MSTO1: variants seen among roughly 807,000 people sequenced by gnomAD.
MSTO1 encodes the protein misato mitochondrial distribution and morphology regulator 1.
In MSTO1, 24 loss-of-function variants were observed where a neutral mutation model predicts 55.7. The observed-to-expected ratio is 0.43, with a 90% CI of 0.31 to 0.61. MSTO1 has a LOEUF of 0.61. Among genes scored for constraint, MSTO1 ranks in the 20% least tolerant of loss-of-function variants. The pLI is 0.09. For synonymous variants in MSTO1, 162 were observed against 252.8 expected (o/e 0.64, Z 3.41); for missense variants, 363 against 625.7 (o/e 0.58, Z 4.48).
upstream of MSTO1, among the ~76,000 whole-genome samples, chr1:155,606,464 G>A (rs978550014): frequency 6.1e-5 from 9 of 147,744 alleles, no homozygotes; most frequent in Admixed American, 2.0e-4. Flanking sequence ...ACATGATCTT[G>A]GCTCACTGCA....
chr1:155,575,363 T>C, the MSTO1 span, among the ~76,000 whole-genome samples: 1 of 152,182 alleles, frequency 6.6e-6, no homozygotes, highest in African/African-American at 2.4e-5. Context: ...TGACTAATAA[T>C]GTTGAGCATT....
chr1:155,578,859 C>G, the MSTO1 span, among the ~76,000 whole-genome samples: 1 of 134,876 alleles, frequency 7.4e-6, no homozygotes, highest in Non-Finnish European at 1.6e-5. Flanking sequence ...GACGAGGTTT[C>G]GCCATATTGG....
chr1:155,600,975 CTTTTTT>C, the MSTO1 span, among the ~76,000 whole-genome samples: 9 of 119,138 alleles, frequency 7.6e-5, no homozygotes, highest in South Asian at 1.9e-3. Context: ...TGTGCTAGGC[CTTTTTT>C]TTTTTTTTTT....
chr1:155,598,136 A>G, the MSTO1 span, among the ~76,000 whole-genome samples: 6 of 150,170 alleles, frequency 4.0e-5, no homozygotes, highest in Non-Finnish European at 8.9e-5. Context: ...TTTTTTTTTT[A>G]GATGGAATTT....
chr1:155,606,979 C>T (rs917998263), upstream of MSTO1, among the ~76,000 whole-genome samples: 11 of 151,860 alleles, frequency 7.2e-5, 1 homozygote, highest in Non-Finnish European at 1.5e-4. Flanking sequence ...AGATTACAGG[C>T]ACGCGCCACC....
At chr1:155,608,496 CTT>C (rs769788957), upstream of MSTO1, among the ~76,000 whole-genome samples, 10 of 132,762 alleles carry the variant, frequency 7.5e-5, no homozygotes, top group Non-Finnish European at 9.6e-5. Context: ...TGCCTTATCT[CTT>C]TTTTTTTTTT....
chr1:155,600,740 G>T, the MSTO1 span, among the ~76,000 whole-genome samples: 27 of 152,248 alleles, frequency 1.8e-4, 1 homozygote, highest in South Asian at 5.6e-3. Context: ...TATAGACAGG[G>T]TTTTGCCATG....
chr1:155,605,300 A>T (rs1284505273), upstream of MSTO1, among the ~76,000 whole-genome samples: 1 of 152,126 alleles, frequency 6.6e-6, no homozygotes, highest in Non-Finnish European at 1.5e-5. Flanking sequence ...CAAAAACAAT[A>T]TTGAAAATAA....
the MSTO1 span, among the ~76,000 whole-genome samples, chr1:155,585,452 G>T: frequency 1.3e-5 from 2 of 151,676 alleles, no homozygotes; most frequent in Non-Finnish European, 2.9e-5. Flanking sequence ...GAACCCGGGA[G>T]GCGGAGGTTG....
chr1:155,598,702 ACAGAGCGAGACC>A, the MSTO1 span: 1 of 451,540 alleles, frequency 2.2e-6, no homozygotes, highest in African/African-American at 2.0e-5. Context: ...AGCCTGGAGA[ACAGAGCGAGACC>A]CAGTCTCAAA....
chr1:155,589,156 C>T, the MSTO1 span, among the ~76,000 whole-genome samples: 3 of 151,972 alleles, frequency 2.0e-5, no homozygotes, highest in East Asian at 1.9e-4. Context: ...AAATTAGCTG[C>T]GTGTGGTGGC....
At chr1:155,584,693 A>AAGAG in the MSTO1 span, among the ~76,000 whole-genome samples, 1 of 147,410 alleles carries the variant, frequency 6.8e-6, no homozygotes, top group Non-Finnish European at 1.5e-5. Flanking sequence ...AAAAAAAAAA[A>AAGAG]AGAAAGAAAG....
At chr1:155,613,357 A>AG (rs1674767965) in intron 11 of MSTO1, 105 bp from the exon 12 acceptor site, 2 of 1,564,222 alleles carry the variant, frequency 1.3e-6, no homozygotes, top group East Asian at 4.6e-5. Context: ...GAAAAAAAAA[A>AG]GGGCTTTGAA....
the MSTO1 span, among the ~76,000 whole-genome samples, chr1:155,599,129 G>C: frequency 1.3e-5 from 2 of 151,692 alleles, no homozygotes; most frequent in Non-Finnish European, 2.9e-5. Context: ...AGTGAGCCGT[G>C]ATCGCACCAC....
chr1:155,579,234 A>AC, the MSTO1 span, among the ~76,000 whole-genome samples: 1 of 151,312 alleles, frequency 6.6e-6, no homozygotes, highest in African/African-American at 2.4e-5. Context: ...AATCGCTTGA[A>AC]CCCGGGAGGC....
upstream of MSTO1, among the ~76,000 whole-genome samples, chr1:155,609,243 A>ATATATATATATATATATATTTTTTT (rs59756178): frequency 1.8e-5 from 1 of 54,578 alleles, no homozygotes. Flanking sequence ...ATATATATAT[A>ATATATATATATATATATATTTTTTT]TTTTTTTTTT....
chr1:155,585,516 C>A, the MSTO1 span, among the ~76,000 whole-genome samples: 1 of 145,146 alleles, frequency 6.9e-6, no homozygotes, highest in African/African-American at 2.6e-5. Flanking sequence ...GAGCGAGACT[C>A]CGTCTCAAAA....
chr1:155,578,528 T>TTTTA, the MSTO1 span, among the ~76,000 whole-genome samples: 2 of 142,650 alleles, frequency 1.4e-5, no homozygotes, highest in African/African-American at 5.2e-5. Context: ...TTTTTTTTTT[T>TTTTA]GAGACGGAGT....
At chr1:155,597,931 C>A in the MSTO1 span, among the ~76,000 whole-genome samples, 1 of 151,968 alleles carries the variant, frequency 6.6e-6, no homozygotes, top group Non-Finnish European at 1.5e-5. Context: ...ATTCTCCTGC[C>A]TCAGTCTCCC....
Sources: allele counts gnomAD v4.1 joint callset (sites outside exome capture counted in the v4.1 genomes callset), GRCh38; gene constraint gnomAD v4.1.1; transcripts MANE v1.5; gene names NCBI Gene and HGNC (gene_info 2026-07-23, HGNC 2026-07-21).